The following NLRP7 variants were observed in gnomAD, a reference collection of about 807,000 sequenced individuals.
NLRP7 encodes NLR family pyrin domain containing 7, also known as NACHT, LRR and PYD domains-containing protein 7.
Under a neutral mutation model 85.5 loss-of-function variants are expected in NLRP7, and 72 were observed. That is an observed-to-expected ratio of 0.84 (90% CI 0.70 to 1.02). NLRP7 has a LOEUF of 1.02. Ranked by LOEUF, NLRP7 falls within the 50% of genes least tolerant of loss-of-function variation. NLRP7 has a pLI of 0.00. For missense variants in NLRP7, 1,243 were observed against 1,219.5 expected, an observed-to-expected ratio of 1.02 and a Z score of -0.29; for synonymous variants, 550 against 505.2, an observed-to-expected ratio of 1.09 and a Z score of -1.19.
exon 10 of NLRP7, chr19:54,923,543 G>C: frequency 1.5e-6 from 1 of 653,490 alleles, no homozygotes; most frequent in Non-Finnish European, 2.7e-6. Context: ...TTATCCCTGT[G>C]AGAAAGTACA....
chr19:54,932,534 A>C (rs1478470241), intron 8 of NLRP7, among the ~76,000 whole-genome samples: 1 of 152,142 alleles, frequency 6.6e-6, no homozygotes, highest in Non-Finnish European at 1.5e-5. Context: ...CCATAATTTT[A>C]ATGTGAACAG....
intron 1 of NLRP7, among the ~76,000 whole-genome samples, chr19:54,963,034 C>A (rs1042872657): frequency 2.0e-5 from 3 of 152,126 alleles, no homozygotes; most frequent in Non-Finnish European, 4.4e-5. Flanking sequence ...TTCATTTTCT[C>A]AAGGAAAGTG....
upstream of NLRP7, among the ~76,000 whole-genome samples, chr19:54,950,396 A>G (rs2069631127): frequency 1.3e-5 from 2 of 152,174 alleles, no homozygotes; most frequent in Admixed American, 1.3e-4. Flanking sequence ...AAGGGGACCC[A>G]GGGGACCAGC....
chr19:54,938,393 C>T (rs145065152), intron 4 of NLRP7, 152 bp from the exon 5 acceptor site: 12 of 688,548 alleles, frequency 1.7e-5, no homozygotes, highest in African/African-American at 1.4e-4. Context: ...ACATGCTTTG[C>T]TACCAGTATA....
chr19:54,948,146 A>G (rs11671514), upstream of NLRP7, among the ~76,000 whole-genome samples: 11,990 of 152,198 alleles, frequency 0.079, 576 homozygotes, highest in African/African-American at 0.13. Flanking sequence ...CAATTTGGGA[A>G]GCCGAGGCGG....
upstream of NLRP7, among the ~76,000 whole-genome samples, chr19:54,951,858 C>A (rs530776934): frequency 2.0e-5 from 3 of 151,886 alleles, no homozygotes; most frequent in Admixed American, 2.0e-4. Flanking sequence ...TCACACAATT[C>A]TCCTGCCTCA....
intron 9 of NLRP7, among the ~76,000 whole-genome samples, chr19:54,930,278 G>A (rs1044325552): frequency 3.3e-5 from 5 of 151,720 alleles, no homozygotes; most frequent in Admixed American, 3.3e-4. Flanking sequence ...ACCAGCCCGG[G>A]AAAGATGACA....
At chr19:54,945,875 C>T (rs935474127) in intron 1 of NLRP7, among the ~76,000 whole-genome samples, 100 of 152,082 alleles carry the variant, frequency 6.6e-4, no homozygotes, top group Admixed American at 6.2e-3. Context: ...CTGCAAGCTC[C>T]GCCTCCCAGG....
intron 5 of NLRP7, 144 bp downstream of exon 5, chr19:54,937,900 C>CAAAAAA (rs59058059): frequency 1.2e-4 from 63 of 516,634 alleles, no homozygotes; most frequent in African/African-American, 2.5e-4. Context: ...TCCGTCTCAC[C>CAAAAAA]AAAAAAAAAA....
Position 54,954,196 on chromosome 19 carries a change from C to A in NLRP7, c.-76-6691G>T, listed in dbSNP as rs890973137. ...TCTAAAAAGGGGAGGCATGAATAAT[C>A]CACCCCTTGTTTAGCATATCCATAG... On this transcript the variant is annotated intron_variant, in intron 1 of 2. Coordinates refer to the NLRP7 transcript ENST00000587103. Among the ~76,000 whole-genome samples, 86 of 148,322 alleles carry A rather than the reference C, an allele frequency of 5.8e-4. 4 individuals are homozygous for A. The highest frequency in any genetic ancestry group is 2.0e-3 in the African/African-American group (81 of 40,288).
chr19:54,929,634 C>T (rs930720674), intron 9 of NLRP7, among the ~76,000 whole-genome samples: 1 of 152,110 alleles, frequency 6.6e-6, no homozygotes, highest in African/African-American at 2.4e-5. Context: ...TCACTGCTTC[C>T]TGATTACTGG....
intron 9 of NLRP7, 68 bp downstream of exon 10, chr19:54,927,537 C>A (rs2068495475): frequency 6.6e-7 from 1 of 1,513,156 alleles, no homozygotes; most frequent in Non-Finnish European, 9.1e-7. Flanking sequence ...GCCTGAATGA[C>A]AGAGCACGAC....
intron 6 of NLRP7, among the ~76,000 whole-genome samples, chr19:54,935,974 C>T (rs28617363): frequency 0.071 from 10,845 of 152,154 alleles, 416 homozygotes; most frequent in South Asian, 0.11. Flanking sequence ...GGCCACTGCT[C>T]TCAATCCCAA....
intron 9 of NLRP7, among the ~76,000 whole-genome samples, chr19:54,928,961 C>T (rs1018172089): frequency 6.6e-6 from 1 of 152,040 alleles, no homozygotes; most frequent in African/African-American, 2.4e-5. Flanking sequence ...GCTGAGATTA[C>T]AGGAACAAGA....
At chr19:54,932,921 A>G (rs966293950) in intron 8 of NLRP7, among the ~76,000 whole-genome samples, 2 of 151,840 alleles carry the variant, frequency 1.3e-5, no homozygotes, top group Non-Finnish European at 2.9e-5. Flanking sequence ...GTTCCCCAAT[A>G]ACCTATGGAA....
intron 8 of NLRP7, among the ~76,000 whole-genome samples, chr19:54,931,909 A>C (rs1333656170): frequency 2.0e-5 from 3 of 151,828 alleles, no homozygotes; most frequent in South Asian, 2.1e-4. Context: ...TGCCTGGGAC[A>C]ACAGCTTAGG....
intron 1 of NLRP7, among the ~76,000 whole-genome samples, chr19:54,954,440 G>A (rs2069782926): frequency 7.6e-6 from 1 of 132,224 alleles, no homozygotes; most frequent in Non-Finnish European, 1.5e-5. Context: ...TGAGGCAGGA[G>A]AATGGCCTGA....
intron 1 of NLRP7, among the ~76,000 whole-genome samples, chr19:54,944,977 C>T (rs899194098): frequency 1.3e-5 from 2 of 151,880 alleles, no homozygotes; most frequent in Non-Finnish European, 2.9e-5. Flanking sequence ...CGGTGGCTCA[C>T]GCCTGTAATC....
intron 1 of NLRP7, among the ~76,000 whole-genome samples, chr19:54,942,036 G>A (rs1357746609): frequency 1.3e-5 from 2 of 150,666 alleles, no homozygotes; most frequent in Admixed American, 1.3e-4. Flanking sequence ...GATGGATCAC[G>A]ATATCAGGAG....
Sources: allele counts gnomAD v4.1 joint callset (sites outside exome capture counted in the v4.1 genomes callset), GRCh38; gene constraint gnomAD v4.1.1; transcripts MANE v1.5; gene names NCBI Gene and HGNC (gene_info 2026-07-23, HGNC 2026-07-21).